TBCD: variants seen among roughly 807,000 people sequenced by gnomAD.
The protein encoded by TBCD is tubulin folding cofactor D.
TBCD carries 105 observed loss-of-function variants against 169.3 expected under a neutral mutation model. That is an observed-to-expected ratio of 0.62 (90% CI 0.53 to 0.73). The LOEUF (loss-of-function observed/expected upper bound fraction) is 0.73, where lower values mean the gene tolerates loss of function less well. TBCD is among the 30% of genes least tolerant of loss of function. The pLI, the probability that TBCD is intolerant of heterozygous loss-of-function variation, is 0.00. For missense variants in TBCD, 1,444 were observed against 1,600.1 expected (o/e 0.90, Z 1.66); for synonymous variants, 700 against 643.9 (o/e 1.09, Z -1.32).
intron 13 of TBCD, among the ~76,000 whole-genome samples, chr17:82,822,361 G>T (rs2052485423): frequency 6.6e-6 from 1 of 152,206 alleles, no homozygotes; most frequent in Non-Finnish European, 1.5e-5. Context: ...CAGTGATGGG[G>T]CCAACCAGTG....
intron 13 of TBCD, among the ~76,000 whole-genome samples, chr17:82,816,082 C>A (rs923343604): frequency 5.3e-5 from 8 of 152,176 alleles, no homozygotes; most frequent in Non-Finnish European, 1.2e-4. Flanking sequence ...GCACCCCCGC[C>A]CTGGCAGCCA....
chr17:82,761,050 C>G (rs1012510246), intron 2 of TBCD, among the ~76,000 whole-genome samples: 2 of 151,944 alleles, frequency 1.3e-5, no homozygotes, highest in African/African-American at 2.4e-5. Flanking sequence ...ACCTCCTTCT[C>G]CTGGGTTCAA....
chr17:82,783,498 C>T (rs1246241868), intron 7 of TBCD, among the ~76,000 whole-genome samples: 2 of 152,170 alleles, frequency 1.3e-5, no homozygotes, highest in Non-Finnish European at 2.9e-5. Flanking sequence ...TTGATTGCAC[C>T]GAGCAGTCCG....
At chr17:82,859,944 GCCTGGGCCTCGTGGTCCTGCT>G in intron 13 of TBCD, 1 of 967,148 alleles carries the variant, frequency 1.0e-6, no homozygotes, top group Non-Finnish European at 1.2e-6. Context: ...CAGCCGTCTG[GCCTGGGCCTCGTGGTCCTGCT>G]CTTGGGCTTC....
At chr17:82,869,257 T>G (rs1312778369) in intron 13 of TBCD, among the ~76,000 whole-genome samples, 1 of 152,254 alleles carries the variant, frequency 6.6e-6, no homozygotes, top group African/African-American at 2.4e-5. Flanking sequence ...AAACTTTAGC[T>G]TCTTGGAACA....
intron 13 of TBCD, among the ~76,000 whole-genome samples, chr17:82,847,867 C>T (rs1237846529): frequency 6.6e-6 from 1 of 152,226 alleles, no homozygotes; most frequent in African/African-American, 2.4e-5. Context: ...GTGATCCACC[C>T]TCCTCGGCCT....
intron 13 of TBCD, among the ~76,000 whole-genome samples, chr17:82,852,737 G>A (rs1177670619): frequency 1.3e-5 from 2 of 152,208 alleles, no homozygotes; most frequent in Non-Finnish European, 2.9e-5. Flanking sequence ...AGCCCACGAC[G>A]TACATGGAGG....
intron 35 of TBCD, chr17:82,937,674 TG>T: frequency 3.3e-6 from 2 of 611,874 alleles, no homozygotes; most frequent in Non-Finnish European, 5.7e-6. Flanking sequence ...CTGTGTGCCC[TG>T]GGGGTCGCTG....
At chr17:82,818,166 A>G (rs1047734149) in intron 13 of TBCD, among the ~76,000 whole-genome samples, 9 of 152,210 alleles carry the variant, frequency 5.9e-5, no homozygotes, top group African/African-American at 2.2e-4. Flanking sequence ...TCAGAAACTG[A>G]CACGTGATGT....
chr17:82,875,007 G>A (rs966653942), intron 14 of TBCD, among the ~76,000 whole-genome samples: 1 of 152,212 alleles, frequency 6.6e-6, no homozygotes, highest in Non-Finnish European at 1.5e-5. Context: ...GGCAGCAGCC[G>A]CTCCTCACTC....
At chr17:82,842,381 C>T (rs1386120133) in intron 13 of TBCD, among the ~76,000 whole-genome samples, 1 of 152,182 alleles carries the variant, frequency 6.6e-6, no homozygotes, top group Non-Finnish European at 1.5e-5. Flanking sequence ...GTTCTGTGCC[C>T]TCTCTCCCCC....
intron 7 of TBCD, among the ~76,000 whole-genome samples, chr17:82,794,588 T>C (rs1255598738): frequency 6.6e-6 from 1 of 152,140 alleles, no homozygotes; most frequent in Non-Finnish European, 1.5e-5. Flanking sequence ...ATGACTAGAG[T>C]GCGCTCTCTC....
chr17:82,838,532 T>C, intron 13 of TBCD: 1 of 539,096 alleles, frequency 1.9e-6, no homozygotes, highest in Non-Finnish European at 2.4e-6. Flanking sequence ...AAGGGCATGC[T>C]GTAATTACAA....
intron 8 of TBCD, among the ~76,000 whole-genome samples, chr17:82,798,357 A>G (rs2050261536): frequency 6.6e-6 from 1 of 152,184 alleles, no homozygotes; most frequent in South Asian, 2.1e-4. Flanking sequence ...CGTGTTAGCC[A>G]GGATGGTCTC....
chr17:82,847,356 GAAAAAAAAAAAA>G (rs1041994030), intron 13 of TBCD, among the ~76,000 whole-genome samples: 3 of 81,756 alleles, frequency 3.7e-5, no homozygotes, highest in East Asian at 3.9e-4. Flanking sequence ...CCATGTCAAA[GAAAAAAAAAAAA>G]AAAAAAAAAA....
chr17:82,869,973 AT>A (rs1424555114), intron 13 of TBCD, among the ~76,000 whole-genome samples: 17 of 152,060 alleles, frequency 1.1e-4, no homozygotes, highest in Non-Finnish European at 1.9e-4. Flanking sequence ...CTTTTGCTTC[AT>A]GGCACTTGAA....
At chr17:82,892,734 C>T (rs984202820) in intron 16 of TBCD, among the ~76,000 whole-genome samples, 1 of 152,172 alleles carries the variant, frequency 6.6e-6, no homozygotes, top group African/African-American at 2.4e-5. Flanking sequence ...AAAAACCCTG[C>T]TGTGGTTTAT....
In TBCD at chr17:82,907,762, C is replaced by A; in HGVS notation, c.1924C>A (p.Pro642Thr). ...LYKLAAQENRPVTDHLDEQAV... is the reference protein window; with the variant it reads ...LYKLAAQENRTVTDHLDEQAV... Reference sequence around the variant, plus strand: ...AGCTCTGTGTTTGAACTTCTGCAGGCCCGTCACGGACCATCTGGACGAGCA... The same window carrying A: ...AGCTCTGTGTTTGAACTTCTGCAGGACCGTCACGGACCATCTGGACGAGCA... Residue 642 changes from proline to threonine, a missense_variant and splice_region_variant, in exon 21 of 39, where the codon CCC becomes ACC. Transcript: ENST00000355528. The A allele has an allele frequency of 6.2e-7, 1 of 1,613,772 alleles. No homozygotes were observed. The highest frequency in any genetic ancestry group is 8.5e-7 in the Non-Finnish European group (1 of 1,179,796).
chr17:82,806,854 C>T lies in TBCD; in HGVS notation c.1088-754C>T, dbSNP rs961144919. Among the ~76,000 whole-genome samples the T allele has an allele frequency of 3.3e-5, 5 of 152,200 alleles. No homozygotes were observed. The highest frequency in any genetic ancestry group is 2.1e-4 in the South Asian group (1 of 4,832). On this transcript the variant is annotated intron_variant, in intron 10 of 38. Transcript: ENST00000355528. The surrounding 1 kb of genome is among the most constrained non-coding windows in gnomAD (Gnocchi z 5.1). ...TGCTTCTCAGAGCCCTCCCTGGTTG[C>T]GTGGTAGGCGCCCGCATCTGTGCTG...
Sources: allele counts gnomAD v4.1 joint callset (sites outside exome capture counted in the v4.1 genomes callset), GRCh38; gene constraint gnomAD v4.1.1; non-coding constraint Gnocchi (gnomAD v3.1); transcripts MANE v1.5; gene names NCBI Gene and HGNC (gene_info 2026-07-23, HGNC 2026-07-21).